The following TRIM35 variants were observed in gnomAD, a reference collection of about 807,000 sequenced individuals.
TRIM35 encodes E3 ubiquitin-protein ligase TRIM35.
In TRIM35, 37 loss-of-function variants were observed where a neutral mutation model predicts 49.1. The observed-to-expected ratio is 0.75, with a 90% CI of 0.58 to 0.99. TRIM35 has a LOEUF of 0.99. Ranked by LOEUF, TRIM35 falls within the 50% of genes least tolerant of loss-of-function variation. The pLI is 0.00. For missense variants in TRIM35, 648 were observed against 702.7 expected (o/e 0.92, Z 0.88); for synonymous variants, 302 against 289.3 (o/e 1.04, Z -0.45).
intron 2 of TRIM35, among the ~76,000 whole-genome samples, chr8:27,296,038 T>C (rs201782004): frequency 7.8e-4 from 118 of 152,042 alleles, no homozygotes; most frequent in Non-Finnish European, 1.1e-3. Flanking sequence ...TGAAAAGATG[T>C]ACAAACTTAC....
At chr8:27,298,621 G>A in intron 1 of TRIM35, 62 bp from the exon 2 acceptor site, 1 of 1,358,532 alleles carries the variant, frequency 7.4e-7, no homozygotes, top group Non-Finnish European at 1.1e-6. Flanking sequence ...GGCAGAGAGG[G>A]CAGACACATC....
chr8:27,290,236 T>C (rs1490169936), intron 3 of TRIM35, 58 bp from the exon 4 acceptor site: 4 of 1,567,854 alleles, frequency 2.6e-6, no homozygotes, highest in Non-Finnish European at 3.5e-6. Context: ...GAAATGTATA[T>C]GTTTCTGACC....
At position 27,286,587 on chromosome 8, in the gene TRIM35, ATGT is replaced by A. The variant is rs1032431779; in HGVS notation, c.*960_*962del. On this transcript the variant is annotated 3_prime_UTR_variant, in exon 6 of 6. Transcript: ENST00000305364. Reference sequence around the variant, plus strand: ...ATAGGCCGAAATCACGATTTAAAAAATGTTGTGTTTAAGTACTCTGGAACCCTG... The same window carrying A: ...ATAGGCCGAAATCACGATTTAAAAAATGTGTTTAAGTACTCTGGAACCCTG... 1.0e-4 allele frequency: 21 copies of A among 207,904 alleles called. No homozygotes were observed. Among genetic ancestry groups the A allele is most frequent in the African/African-American group, 4.9e-4 (21 of 42,858 alleles). The allele number at this position is 207,904 out of a possible 1,614,324, so 12.9% of individuals were successfully genotyped here. A position where few individuals can be genotyped will look rare whatever the true frequency, so the allele number is the denominator to read the frequency against.
chr8:27,294,017 T>C, intron 3 of TRIM35, 63 bp downstream of exon 3: 2 of 1,539,708 alleles, frequency 1.3e-6, no homozygotes, highest in Non-Finnish European at 1.8e-6. Flanking sequence ...TGGTGGGCTA[T>C]GGCTCCCAGC....
chr8:27,310,821 C>T lies in TRIM35; in HGVS notation c.415G>A (p.Asp139Asn). The T allele has an allele frequency of 6.2e-7, 1 of 1,605,238 alleles. No homozygotes were observed. Among genetic ancestry groups the T allele is most frequent in the Non-Finnish European group, 8.5e-7 (1 of 1,174,252 alleles). The change falls in exon 1 of 6, where the codon GAC becomes AAC. Residue 139 changes from aspartate (D) to asparagine (N), a missense_variant. By Grantham distance (23) the Asp-to-Asn change is conservative. Transcript: ENST00000305364. Reference protein sequence around the residue: ...HQGHRVQPVKDTAHDFRAKCR... With the variant: ...HQGHRVQPVKNTAHDFRAKCR... ...CTTACCCGAAAGTCGTGGGCAGTGT[C>T]CTTCACCGGCTGCACGCGGTGCCCC...
At chr8:27,292,579 A>C (rs1203420851) in intron 3 of TRIM35, among the ~76,000 whole-genome samples, 1 of 152,256 alleles carries the variant, frequency 6.6e-6, no homozygotes, top group Non-Finnish European at 1.5e-5. Flanking sequence ...TGCATTTGAA[A>C]TGTCTACAAC....
chr8:27,297,248 G>A (rs1802588600), intron 2 of TRIM35, among the ~76,000 whole-genome samples: 1 of 152,218 alleles, frequency 6.6e-6, no homozygotes, highest in Non-Finnish European at 1.5e-5. Context: ...CCTGAGGACA[G>A]CGCCCAGCAA....
At chr8:27,288,544 C>T (rs184888781) in intron 5 of TRIM35, among the ~76,000 whole-genome samples, 120 of 152,132 alleles carry the variant, frequency 7.9e-4, no homozygotes, top group Non-Finnish European at 1.5e-3. Context: ...CACCAGGAGA[C>T]GGAAGAGGAA....
intron 1 of TRIM35, among the ~76,000 whole-genome samples, chr8:27,307,589 G>C (rs192966035): frequency 1.3e-5 from 2 of 152,250 alleles, no homozygotes; most frequent in Non-Finnish European, 2.9e-5. Context: ...CACAGTACTG[G>C]CACACAACCA....
In TRIM35 at chr8:27,310,715, C is replaced by A. The variant is rs1435406959; in HGVS notation, c.435+86G>T. 3.3e-5 allele frequency: 47 copies of A among 1,421,586 alleles called. No individual in the cohort carries two copies. The East Asian group carries it at 1.1e-3, about 33-fold the overall frequency. 88.1% of individuals were successfully genotyped at this position (1,421,586 alleles called of 1,614,324 possible). A position where few individuals can be genotyped will look rare whatever the true frequency, so the allele number is the denominator to read the frequency against. On this transcript the variant is annotated intron_variant, in intron 1 of 5. Transcript: ENST00000305364. ...GAGACGCGGGCACACTGGGCTCTGGCAGGCAGGAGGGGCGGGAGCCGCAGA... is the reference window on the plus strand; with the variant it reads ...GAGACGCGGGCACACTGGGCTCTGGAAGGCAGGAGGGGCGGGAGCCGCAGA...
chr8:27,287,845 A>C lies in TRIM35; in HGVS notation c.1187T>G (p.Phe396Cys). The C allele has an allele frequency of 1.2e-6, 2 of 1,612,938 alleles. No individual in the cohort carries two copies. The highest frequency in any genetic ancestry group is 8.5e-7 in the Non-Finnish European group (1 of 1,179,692). ...GCCCTGCGTGCGGCAGACATACCAG[A>C]AGCCCGAGCGTGTGTCGTGGTAGCA... The part of the protein sequence containing the change: ...HSCYHDTRSG[F>C]WYVCRTQGVE... Residue 396 changes from phenylalanine (F) to cysteine (C), a missense_variant, in exon 6 of 6, where the codon TTC becomes TGC. Transcript: ENST00000305364. This position sits in a 1 kb window ranked among gnomAD's most constrained non-coding sequence, Gnocchi z 6.0.
In TRIM35 at chr8:27,288,004, G is replaced by A; in HGVS notation, c.1028C>T (p.Pro343Leu). 6.2e-7 allele frequency: 1 copy of A among 1,613,620 alleles called. No homozygotes were observed. The highest frequency in any genetic ancestry group is 8.5e-7 in the Non-Finnish European group (1 of 1,180,018). Residue 343 changes from proline to leucine, a missense_variant, in exon 6 of 6, where the codon CCC becomes CTC. Pro to Leu is a moderately conservative substitution (Grantham distance 98). Coordinates refer to ENST00000305364, the MANE Select transcript of TRIM35 (RefSeq NM_171982.5). ...GAAGACACGGGAGCCCAGCAGGCAG[G>A]GCGCCGAGGAGAAGCGTTCCGGGTT... ...VENPERFSSA[P>L]CLLGSRVFSQ...
At chr8:27,297,209 T>C (rs1255284559) in intron 2 of TRIM35, among the ~76,000 whole-genome samples, 5 of 152,216 alleles carry the variant, frequency 3.3e-5, no homozygotes, top group African/African-American at 4.8e-5. Context: ...TCCTCACCTA[T>C]GGACACATGG....
At chr8:27,304,671 T>C (rs1212941113) in intron 1 of TRIM35, 1 of 361,626 alleles carries the variant, frequency 2.8e-6, no homozygotes, top group African/African-American at 2.1e-5. Context: ...GTCCCCTGCA[T>C]GTCCAAGTCC....
chr8:27,292,839 TA>T (rs1312540254), intron 3 of TRIM35, among the ~76,000 whole-genome samples: 1 of 152,150 alleles, frequency 6.6e-6, no homozygotes, highest in East Asian at 1.9e-4. Context: ...GTTTAGCATG[TA>T]AATTATATCT....
chr8:27,298,690 C>A (rs1042436631), intron 1 of TRIM35, 131 bp from the exon 2 acceptor site: 2 of 718,190 alleles, frequency 2.8e-6, no homozygotes, highest in African/African-American at 3.5e-5. Context: ...TTTGCCTAAC[C>A]CCATCCATGC....
intron 3 of TRIM35, among the ~76,000 whole-genome samples, chr8:27,292,233 T>A (rs1460768242): frequency 6.6e-6 from 1 of 152,232 alleles, no homozygotes; most frequent in Non-Finnish European, 1.5e-5. Flanking sequence ...TGGGCTCCAG[T>A]TGCCTACAGT....
At chr8:27,303,147 A>C (rs73241416) in intron 1 of TRIM35, among the ~76,000 whole-genome samples, 14,323 of 152,208 alleles carry the variant, frequency 0.094, 778 homozygotes, top group Middle Eastern at 0.13. Flanking sequence ...AAAGATGGTA[A>C]ATTTTATCAA....
intron 1 of TRIM35, among the ~76,000 whole-genome samples, chr8:27,307,160 A>G (rs900815269): frequency 6.6e-6 from 1 of 152,146 alleles, no homozygotes. Context: ...TGCTGTAAAC[A>G]TGATGCCAGG....
Sources: allele counts gnomAD v4.1 joint callset (sites outside exome capture counted in the v4.1 genomes callset), GRCh38; gene constraint gnomAD v4.1.1; non-coding constraint Gnocchi (gnomAD v3.1); transcripts MANE v1.5; gene names NCBI Gene and HGNC (gene_info 2026-07-23, HGNC 2026-07-21).